TEX9: variants seen among roughly 807,000 people sequenced by gnomAD.
The protein encoded by TEX9 is testis expressed 9.
TEX9 carries 74 observed loss-of-function variants against 59.6 expected under a neutral mutation model. That is an observed-to-expected ratio of 1.24 (90% CI 1.03 to 1.51). The LOEUF is 1.51. TEX9 is among the 40% of genes most tolerant of loss of function. The pLI, the probability that TEX9 is intolerant of heterozygous loss-of-function variation, is 0.00. For missense variants in TEX9, 522 were observed against 447.8 expected, an observed-to-expected ratio of 1.17 and a Z score of -1.49; for synonymous variants, 186 against 152.2, an observed-to-expected ratio of 1.22 and a Z score of -1.64.
At chr15:56,249,071 T>A (rs2043940200) in intron 1 of TEX9, 1 of 152,210 alleles carries the variant, frequency 6.6e-6, no homozygotes, top group Admixed American at 6.5e-5. Flanking sequence ...ATTGGAACAC[T>A]ACACATGTCA....
chr15:56,429,086 C>T lies in TEX9; in HGVS notation c.*29+613C>T, dbSNP rs772699558. 2.2e-5 allele frequency: 34 copies of T among 1,531,592 alleles called. No individual in the cohort carries two copies. In the Middle Eastern group the frequency reaches 1.7e-3, roughly 77 times the overall value. The allele number at this position is 1,531,592 out of a possible 1,614,324, so 94.9% of individuals were successfully genotyped here. A position where few individuals can be genotyped will look rare whatever the true frequency, so the allele number is the denominator to read the frequency against. On this transcript the variant is annotated intron_variant, in intron 12 of 12. Transcript: ENST00000352903. ...AACATGCAAAAAATCTATGCTTTAC[C>T]CAATTTTGATGATATCATTTCTCTT...
chr15:56,425,635 T>G (rs1235790398), intron 10 of TEX9, among the ~76,000 whole-genome samples: 5 of 152,198 alleles, frequency 3.3e-5, no homozygotes, highest in Non-Finnish European at 7.3e-5. Context: ...GTTGTCAATA[T>G]TCTCCTTCAG....
chr15:56,384,144 A>T, intron 4 of TEX9, 113 bp downstream of exon 4: 1 of 772,112 alleles, frequency 1.3e-6, no homozygotes, highest in Non-Finnish European at 2.1e-6. Flanking sequence ...AGAATAATGT[A>T]TATATAGGGG....
chr15:56,300,701 GA>G (rs1279742189), intron 1 of TEX9, among the ~76,000 whole-genome samples: 2 of 108,028 alleles, frequency 1.9e-5, no homozygotes, highest in Non-Finnish European at 3.9e-5. Context: ...GAGAGAGAGA[GA>G]GAGAGGGAGA....
intron 1 of TEX9, among the ~76,000 whole-genome samples, chr15:56,302,753 G>C (rs2045392847): frequency 6.6e-6 from 1 of 152,162 alleles, no homozygotes; most frequent in South Asian, 2.1e-4. Flanking sequence ...TCAATCAAAA[G>C]ACATGGAGTG....
intron 1 of TEX9, among the ~76,000 whole-genome samples, chr15:56,264,409 A>G (rs1214011412): frequency 6.6e-6 from 1 of 152,156 alleles, no homozygotes; most frequent in Non-Finnish European, 1.5e-5. Flanking sequence ...AATCTTTCAC[A>G]AAGTTTTTTC....
At chr15:56,376,812 A>G (rs1162858847) in intron 3 of TEX9, among the ~76,000 whole-genome samples, 31 of 152,120 alleles carry the variant, frequency 2.0e-4, no homozygotes, top group Non-Finnish European at 1.5e-4. Context: ...TGTATTACTC[A>G]AGAAATCTTT....
At chr15:56,386,648 A>G (rs565288233) in intron 4 of TEX9, among the ~76,000 whole-genome samples, 119 of 152,128 alleles carry the variant, frequency 7.8e-4, no homozygotes, top group African/African-American at 2.7e-3. Flanking sequence ...TATTATATGT[A>G]ATACTGTGAT....
At chr15:56,413,291 A>ATTAAATAATTTAATAAT (rs56187869) in intron 10 of TEX9, among the ~76,000 whole-genome samples, 1 of 146,234 alleles carries the variant, frequency 6.8e-6, no homozygotes, top group Non-Finnish European at 1.5e-5. Context: ...TAATTTAATA[A>ATTAAATAATTTAATAAT]TAAATTATTT....
At chr15:56,252,418 A>C (rs1460200017) in intron 1 of TEX9, among the ~76,000 whole-genome samples, 1 of 149,278 alleles carries the variant, frequency 6.7e-6, no homozygotes, top group Non-Finnish European at 1.5e-5. Flanking sequence ...AAATAAAAGC[A>C]GAATGTCAGA....
At chr15:56,245,622 CT>C in intron 1 of TEX9, among the ~76,000 whole-genome samples, 1 of 152,312 alleles carries the variant, frequency 6.6e-6, no homozygotes, top group East Asian at 1.9e-4. Context: ...TTGTTGAACA[CT>C]TTGTGTGCCA....
At chr15:56,260,826 T>G (rs1419658799) in intron 1 of TEX9, among the ~76,000 whole-genome samples, 1 of 152,024 alleles carries the variant, frequency 6.6e-6, no homozygotes, top group African/African-American at 2.4e-5. Context: ...TTGATATATT[T>G]TTCTTAAATG....
chr15:56,394,969 A>T lies in TEX9; in HGVS notation c.828+135A>T, dbSNP rs929051497. On this transcript the variant is annotated intron_variant, in intron 9 of 12. Transcript: ENST00000352903. ...TACTGAAAACTCTTTCCCCTTACAT[A>T]GAATATTTTTAACAACTTTATTGAG... The T allele has an allele frequency of 5.8e-6, 5 of 865,332 alleles. No individual in the cohort carries two copies. In the South Asian group the frequency reaches 6.3e-5, roughly 11 times the overall value. The allele number at this position is 865,332 out of a possible 1,614,324, so 53.6% of individuals were successfully genotyped here. A position where few individuals can be genotyped will look rare whatever the true frequency, so the allele number is the denominator to read the frequency against.
At position 56,434,348 on chromosome 15, in the gene TEX9, A is replaced by G. The variant is rs1304072257; in HGVS notation, c.*29+5875A>G. The G allele has an allele frequency of 5.0e-6, 8 of 1,613,310 alleles. No individual in the cohort carries two copies. The South Asian group carries it at 8.8e-5, about 18-fold the overall frequency. ...CCTTCAAGGCCATTTGTTCTTCAAA[A>G]TCTTGCTTCATCTCTTTTTGCTTTC... On this transcript the variant is annotated intron_variant, in intron 12 of 12. Transcript: ENST00000352903.
the TEX9 span, among the ~76,000 whole-genome samples, chr15:56,452,756 G>T: frequency 2.0e-5 from 3 of 151,992 alleles, no homozygotes; most frequent in Non-Finnish European, 2.9e-5. Context: ...CTGACCCTGC[G>T]ATCCACTCAC....
At position 56,315,076 on chromosome 15, in the gene TEX9, C is replaced by T. The variant is rs530838007; in HGVS notation, c.-106-58365C>T. ...TGTGAGATGGGTTTCCTGAATACAG[C>T]ACAGTGATGGGTCTTAACTCTTTAT... On this transcript the variant is annotated intron_variant, in intron 1 of 5. Transcript: ENST00000560827. Among the ~76,000 whole-genome samples the T allele has an allele frequency of 4.6e-5, 7 of 151,416 alleles. No individual in the cohort carries two copies. The East Asian group carries it at 1.4e-3, about 29-fold the overall frequency.
At chr15:56,365,323 C>T (rs2046882605), upstream of TEX9, 1 of 1,295,758 alleles carries the variant, frequency 7.7e-7, no homozygotes, top group South Asian at 1.5e-5. Context: ...GCCAGAGGCT[C>T]GCGCCGCTCG....
intron 1 of TEX9, among the ~76,000 whole-genome samples, chr15:56,252,654 G>A (rs1023493296): frequency 2.0e-5 from 3 of 152,012 alleles, no homozygotes; most frequent in African/African-American, 4.8e-5. Context: ...AGTCTGCTGC[G>A]TGCTTCCTGT....
At chr15:56,331,406 A>C (rs1469710480) in intron 1 of TEX9, among the ~76,000 whole-genome samples, 1 of 152,238 alleles carries the variant, frequency 6.6e-6, no homozygotes, top group African/African-American at 2.4e-5. Flanking sequence ...TGTTAGCAAC[A>C]AAGGAAGTCA....
Sources: allele counts gnomAD v4.1 joint callset (sites outside exome capture counted in the v4.1 genomes callset), GRCh38; gene constraint gnomAD v4.1.1; transcripts MANE v1.5; gene names NCBI Gene and HGNC (gene_info 2026-07-23, HGNC 2026-07-21).